The following CNTNAP5 variants were observed in gnomAD, a reference collection of about 807,000 sequenced individuals.
The protein encoded by CNTNAP5 is contactin associated protein family member 5, also known as contactin-associated protein-like 5.
A neutral mutation model predicts 150.2 loss-of-function variants in CNTNAP5; 72 were observed. That is an observed-to-expected ratio of 0.48 (90% CI 0.40 to 0.58). The LOEUF (loss-of-function observed/expected upper bound fraction) is 0.58, where lower values mean the gene tolerates loss of function less well. Among genes scored for constraint, CNTNAP5 ranks in the 20% least tolerant of loss-of-function variants. The probability of loss-of-function intolerance (pLI) is 0.00; values close to 1 mark genes in which losing one functional copy is unlikely to be tolerated. For synonymous variants in CNTNAP5, 672 were observed against 619.8 expected (o/e 1.08, Z -1.25); for missense variants, 1,636 against 1,626.2 (o/e 1.01, Z -0.10).
intron 19 of CNTNAP5, among the ~76,000 whole-genome samples, chr2:124,851,889 T>A (rs1344772186): frequency 6.6e-6 from 1 of 152,106 alleles, no homozygotes; most frequent in African/African-American, 2.4e-5. Context: ...AAAAGTAGGG[T>A]AAGCAGGCAT....
At chr2:124,469,863 A>C (rs1292428297) in intron 6 of CNTNAP5, among the ~76,000 whole-genome samples, 1 of 152,162 alleles carries the variant, frequency 6.6e-6, no homozygotes, top group African/African-American at 2.4e-5. Context: ...GATGAGGATA[A>C]TGGCCTCCTG....
At chr2:124,151,123 G>C (rs754692367) in intron 1 of CNTNAP5, among the ~76,000 whole-genome samples, 30 of 152,088 alleles carry the variant, frequency 2.0e-4, no homozygotes, top group Non-Finnish European at 3.5e-4. Flanking sequence ...TTAGACCCCA[G>C]AGTGGGGCAG....
intron 3 of CNTNAP5, among the ~76,000 whole-genome samples, chr2:124,388,114 A>T (rs894939172): frequency 3.3e-5 from 5 of 152,156 alleles, no homozygotes; most frequent in African/African-American, 1.2e-4. Flanking sequence ...TTGTCCTCCA[A>T]CTCTGTCATT....
chr2:124,100,517 TG>T (rs746878653), intron 1 of CNTNAP5, among the ~76,000 whole-genome samples: 8 of 152,204 alleles, frequency 5.3e-5, no homozygotes, highest in Non-Finnish European at 8.8e-5. Flanking sequence ...GTTCAGAGTC[TG>T]GAATTTTTTT....
intron 19 of CNTNAP5, among the ~76,000 whole-genome samples, chr2:124,810,043 C>A (rs905070387): frequency 6.6e-6 from 1 of 152,118 alleles, no homozygotes; most frequent in African/African-American, 2.4e-5. Context: ...AAATGGTTTG[C>A]GAACTGGAAT....
chr2:124,645,059 C>T (rs1203484746), intron 12 of CNTNAP5, among the ~76,000 whole-genome samples: 1 of 152,120 alleles, frequency 6.6e-6, no homozygotes, highest in Non-Finnish European at 1.5e-5. Flanking sequence ...ACATCATGGA[C>T]ATTTCAAAAC....
intron 13 of CNTNAP5, among the ~76,000 whole-genome samples, chr2:124,679,958 C>G (rs1238439304): frequency 2.0e-5 from 3 of 151,662 alleles, no homozygotes. Context: ...TCAAGAAGTT[C>G]GAGACCCCCG....
At chr2:124,867,424 A>G (rs1056625254) in intron 20 of CNTNAP5, among the ~76,000 whole-genome samples, 1 of 152,144 alleles carries the variant, frequency 6.6e-6, no homozygotes. Context: ...GCAAAATTGT[A>G]CTTCTCAAGG....
intron 3 of CNTNAP5, among the ~76,000 whole-genome samples, chr2:124,269,597 C>A (rs1425436831): frequency 1.3e-5 from 2 of 151,810 alleles, no homozygotes; most frequent in African/African-American, 4.8e-5. Flanking sequence ...AGTCTGAACA[C>A]GGAAAGTGAT....
At chr2:124,733,007 A>G (rs1027159148) in intron 13 of CNTNAP5, among the ~76,000 whole-genome samples, 4 of 152,182 alleles carry the variant, frequency 2.6e-5, no homozygotes, top group African/African-American at 7.2e-5. Flanking sequence ...AATAATTGCA[A>G]TGGCATTTTG....
chr2:124,040,771 G>T (rs760361134), intron 1 of CNTNAP5, among the ~76,000 whole-genome samples: 7 of 151,860 alleles, frequency 4.6e-5, no homozygotes, highest in Non-Finnish European at 8.8e-5. Flanking sequence ...ATTTCCTGTT[G>T]TTCTTATTAT....
intron 3 of CNTNAP5, among the ~76,000 whole-genome samples, chr2:124,258,214 G>A (rs751646510): frequency 8.5e-5 from 13 of 152,112 alleles, no homozygotes; most frequent in Admixed American, 3.3e-4. Context: ...GCCTAGAGTC[G>A]TCAGGGGAAA....
chr2:124,549,137 T>G (rs917613115), intron 10 of CNTNAP5, among the ~76,000 whole-genome samples: 2 of 152,200 alleles, frequency 1.3e-5, no homozygotes, highest in African/African-American at 4.8e-5. Context: ...TAAAGAATCT[T>G]GCAACATGTC....
chr2:124,524,478 A>G, intron 9 of CNTNAP5, 26 bp downstream of exon 9: 9 of 1,583,258 alleles, frequency 5.7e-6, no homozygotes, highest in Non-Finnish European at 7.7e-6. Flanking sequence ...TTTAAGAGGG[A>G]AAATTAAGAA....
intron 19 of CNTNAP5, among the ~76,000 whole-genome samples, chr2:124,865,084 C>A (rs759528821): frequency 6.6e-6 from 1 of 152,166 alleles, no homozygotes; most frequent in South Asian, 2.1e-4. Context: ...ACCACACACA[C>A]ACACACACTC....
intron 1 of CNTNAP5, among the ~76,000 whole-genome samples, chr2:124,039,820 A>G (rs1681319075): frequency 6.6e-6 from 1 of 151,858 alleles, no homozygotes; most frequent in Admixed American, 6.6e-5. Context: ...GGATTACTCA[A>G]AATAATTTAC....
At chr2:124,676,203 A>G (rs1479964224) in intron 13 of CNTNAP5, among the ~76,000 whole-genome samples, 5 of 152,192 alleles carry the variant, frequency 3.3e-5, no homozygotes, top group Admixed American at 3.3e-4. Context: ...CTTGTGTTGT[A>G]ACATTACTTA....
intron 2 of CNTNAP5, among the ~76,000 whole-genome samples, chr2:124,224,117 T>C (rs1686398614): frequency 6.6e-6 from 1 of 152,054 alleles, no homozygotes; most frequent in African/African-American, 2.4e-5. Flanking sequence ...TTGTCTTGGA[T>C]GGGACCCAAG....
chr2:124,337,446 C>CCCAT (rs1412860190), intron 3 of CNTNAP5, among the ~76,000 whole-genome samples: 1 of 152,152 alleles, frequency 6.6e-6, no homozygotes, highest in East Asian at 1.9e-4. Context: ...GAAGTCCTTG[C>CCCAT]CCATACCTAT....
Sources: allele counts gnomAD v4.1 joint callset (sites outside exome capture counted in the v4.1 genomes callset), GRCh38; gene constraint gnomAD v4.1.1; transcripts MANE v1.5; gene names NCBI Gene and HGNC (gene_info 2026-07-23, HGNC 2026-07-21).